The following PCDH15 variants were observed in gnomAD, a reference collection of about 807,000 sequenced individuals.
PCDH15 encodes the protein protocadherin-15.
PCDH15 carries 129 observed loss-of-function variants against 178.5 expected under a neutral mutation model. The ratio of observed to expected loss-of-function variants is 0.72; its 90% CI spans 0.63 to 0.84. The LOEUF is 0.84. Ranked by LOEUF, PCDH15 falls within the 40% of genes least tolerant of loss-of-function variation. The probability of loss-of-function intolerance (pLI) is 0.00; values close to 1 mark genes in which losing one functional copy is unlikely to be tolerated. For synonymous variants in PCDH15, 800 were observed against 732.0 expected, an observed-to-expected ratio of 1.09 and a Z score of -1.50; for missense variants, 2,230 against 2,099.9, an observed-to-expected ratio of 1.06 and a Z score of -1.21.
At chr10:54,938,358 G>C (rs1226127897) in intron 2 of PCDH15, among the ~76,000 whole-genome samples, 2 of 150,090 alleles carry the variant, frequency 1.3e-5, no homozygotes, top group Non-Finnish European at 3.0e-5. Flanking sequence ...AAATTTTTTT[G>C]TCTATATTCA....
chr10:55,113,835 T>C (rs1837567336), intron 2 of PCDH15, among the ~76,000 whole-genome samples: 1 of 152,210 alleles, frequency 6.6e-6, no homozygotes, highest in African/African-American at 2.4e-5. Context: ...GAGAGAGGTA[T>C]GTAGATCTTG....
intron 1 of PCDH15, among the ~76,000 whole-genome samples, chr10:54,757,734 G>A (rs565182859): frequency 2.1e-4 from 32 of 152,256 alleles, no homozygotes; most frequent in African/African-American, 7.2e-4. Context: ...TATGCCGAGA[G>A]AGAGACAGAG....
At chr10:54,418,344 A>T (rs2135761557) in intron 3 of PCDH15, among the ~76,000 whole-genome samples, 1 of 152,236 alleles carries the variant, frequency 6.6e-6, no homozygotes, top group African/African-American at 2.4e-5. Flanking sequence ...AAAGTAATAT[A>T]AGCTAAAATT....
chr10:54,680,990 A>G (rs1236646578), intron 1 of PCDH15, among the ~76,000 whole-genome samples: 2 of 152,186 alleles, frequency 1.3e-5, no homozygotes, highest in East Asian at 3.9e-4. Context: ...ACTAAGGGAT[A>G]TTTTAGAGAA....
chr10:55,584,952 A>C (rs2132124743), intron 2 of PCDH15, among the ~76,000 whole-genome samples: 1 of 151,304 alleles, frequency 6.6e-6, no homozygotes, highest in African/African-American at 2.4e-5. Context: ...ATCCCTGGAA[A>C]ATTTTGACAT....
intron 2 of PCDH15, among the ~76,000 whole-genome samples, chr10:54,592,259 C>T (rs1056146922): frequency 1.3e-5 from 2 of 151,950 alleles, no homozygotes; most frequent in Admixed American, 6.6e-5. Context: ...TTTCCTTGAG[C>T]ACTTATTTTC....
At chr10:54,482,122 C>T (rs992710005) in intron 3 of PCDH15, among the ~76,000 whole-genome samples, 1 of 151,764 alleles carries the variant, frequency 6.6e-6, no homozygotes, top group Non-Finnish European at 1.5e-5. Context: ...TTAGATCACC[C>T]ATTTTTGAGT....
chr10:54,378,044 T>G (rs1364973353), intron 4 of PCDH15, among the ~76,000 whole-genome samples: 3 of 151,758 alleles, frequency 2.0e-5, no homozygotes, highest in African/African-American at 2.4e-5. Context: ...CCCACCACAG[T>G]CTGCAGATTA....
chr10:54,776,499 ATTAG>A (rs1949722713), intron 1 of PCDH15, among the ~76,000 whole-genome samples: 1 of 152,026 alleles, frequency 6.6e-6, no homozygotes, highest in Non-Finnish European at 1.5e-5. Flanking sequence ...TTACCCTCTA[ATTAG>A]TTAAACATTA....
chr10:55,467,855 A>G lies in PCDH15; in HGVS notation c.-156+159770T>C, dbSNP rs1184385967. On this transcript the variant is annotated intron_variant, in intron 2 of 5. Transcript: ENST00000613346. ...GAGGCGGGCACCTGTAGTCCCAGCTACTCCCGGAGGCTGAGGCAGGAGAAC... is the reference window on the plus strand; with the variant it reads ...GAGGCGGGCACCTGTAGTCCCAGCTGCTCCCGGAGGCTGAGGCAGGAGAAC... 4.0e-4 allele frequency among the ~76,000 whole-genome samples: 59 copies of G among 148,134 alleles called. 2 individuals are homozygous for G. Among genetic ancestry groups the G allele is most frequent in the Non-Finnish European group, 1.5e-5 (1 of 67,516 alleles).
chr10:55,526,084 G>A (rs1046654664), intron 2 of PCDH15, among the ~76,000 whole-genome samples: 8 of 151,880 alleles, frequency 5.3e-5, no homozygotes, highest in Admixed American at 6.6e-5. Flanking sequence ...CAGATATTCA[G>A]TATCCCTCAC....
chr10:54,914,735 T>C (rs1261112088), intron 2 of PCDH15, among the ~76,000 whole-genome samples: 2 of 152,212 alleles, frequency 1.3e-5, no homozygotes, highest in South Asian at 4.1e-4. Flanking sequence ...ATAAGGCTTC[T>C]ACTAAGAAAT....
chr10:54,862,119 C>T (rs963454851), intron 3 of PCDH15, among the ~76,000 whole-genome samples: 3 of 152,094 alleles, frequency 2.0e-5, no homozygotes, highest in African/African-American at 4.8e-5. Flanking sequence ...TGTCTATATA[C>T]ATCATAGTAA....
intron 2 of PCDH15, among the ~76,000 whole-genome samples, chr10:54,620,365 A>G (rs936793408): frequency 3.3e-5 from 5 of 152,106 alleles, no homozygotes; most frequent in African/African-American, 4.8e-5. Flanking sequence ...TTAATATATC[A>G]GATGGGAATT....
intron 3 of PCDH15, among the ~76,000 whole-genome samples, chr10:54,884,337 TC>T (rs1173159999): frequency 6.6e-6 from 1 of 151,918 alleles, no homozygotes; most frequent in Non-Finnish European, 1.5e-5. Flanking sequence ...AATCAAATAA[TC>T]ACACAAATTC....
chr10:55,288,202 C>T (rs879423934), intron 1 of PCDH15, among the ~76,000 whole-genome samples: 20 of 149,158 alleles, frequency 1.3e-4, no homozygotes, highest in Non-Finnish European at 2.1e-4. Context: ...CACACGTAGG[C>T]TAACTTGAAG....
Position 54,906,631 on chromosome 10 carries a change from A to G in PCDH15, c.-79-9131T>C, listed in dbSNP as rs1159098966. On this transcript the variant is annotated intron_variant, in intron 2 of 5. Coordinates refer to the PCDH15 transcript ENST00000458638. ...TTGCCAGGGGTAATATTCCTCCAAC[A>G]TCTCCGTGTCAGTTTGCTTGAGAAA... 3.3e-5 allele frequency among the ~76,000 whole-genome samples: 5 copies of G among 152,094 alleles called. 1 individual carries two copies. The highest frequency in any genetic ancestry group is 3.3e-4 in the Admixed American group (5 of 15,264).
intron 3 of PCDH15, among the ~76,000 whole-genome samples, chr10:54,858,093 C>T (rs977813799): frequency 5.3e-5 from 8 of 152,150 alleles, no homozygotes; most frequent in Non-Finnish European, 1.2e-4. Flanking sequence ...CTCCCATAAG[C>T]ACAATTCTAC....
chr10:54,551,356 T>A (rs1194165379), intron 2 of PCDH15, among the ~76,000 whole-genome samples: 1 of 152,044 alleles, frequency 6.6e-6, no homozygotes, highest in Non-Finnish European at 1.5e-5. Flanking sequence ...TAAAGGGATG[T>A]TAATCTAGAA....
Sources: gnomAD v4.1 joint callset for allele counts (sites outside exome capture counted in the v4.1 genomes callset) on GRCh38, gnomAD v4.1.1 for gene constraint, MANE v1.5 for transcripts, NCBI Gene and HGNC (gene_info 2026-07-23, HGNC 2026-07-21) for gene names.